SEMA4B: variants seen among roughly 807,000 people sequenced by gnomAD.
SEMA4B encodes the protein semaphorin-4B.
In SEMA4B, 55 loss-of-function variants were observed where a neutral mutation model predicts 88.1. That is an observed-to-expected ratio of 0.62 (90% CI 0.50 to 0.78). The LOEUF (loss-of-function observed/expected upper bound fraction) is 0.78. SEMA4B is among the 30% of genes least tolerant of loss of function. The pLI, the probability that SEMA4B is intolerant of heterozygous loss-of-function variation, is 0.00. For synonymous variants in SEMA4B, 525 were observed against 473.6 expected (o/e 1.11, Z -1.41); for missense variants, 1,062 against 1,111.9 (o/e 0.96, Z 0.64).
chr15:90,201,317 C>G, upstream of SEMA4B: 1 of 1,173,970 alleles, frequency 8.5e-7, no homozygotes, highest in Non-Finnish European at 1.1e-6. Context: ...CTCCTTCAGC[C>G]CCGCCCTCCG....
intron 1 of SEMA4B, among the ~76,000 whole-genome samples, chr15:90,204,204 C>T (rs1960881587): frequency 6.6e-6 from 1 of 152,194 alleles, no homozygotes; most frequent in Non-Finnish European, 1.5e-5. Context: ...CCCTCCCTTG[C>T]ATGCATCTTA....
At chr15:90,187,286 T>C (rs1960193519) in intron 1 of SEMA4B, among the ~76,000 whole-genome samples, 1 of 152,248 alleles carries the variant, frequency 6.6e-6, no homozygotes, top group Non-Finnish European at 1.5e-5. Flanking sequence ...CGTGTGGTGC[T>C]GTTTCCTTTG....
intron 13 of SEMA4B, 27 bp downstream of exon 13, chr15:90,227,669 G>A: frequency 6.2e-7 from 1 of 1,610,648 alleles, no homozygotes; most frequent in African/African-American, 1.3e-5. Flanking sequence ...AAAGGTGGAG[G>A]AGAGAGGTGG....
upstream of SEMA4B, among the ~76,000 whole-genome samples, chr15:90,196,780 C>T (rs200098847): frequency 6.6e-6 from 1 of 152,238 alleles, no homozygotes; most frequent in Non-Finnish European, 1.5e-5. Flanking sequence ...AGCCACTGCA[C>T]CCGGCCTCTT....
At chr15:90,221,579 G>A in intron 6 of SEMA4B, 35 bp from the exon 7 acceptor site, 1 of 1,612,376 alleles carries the variant, frequency 6.2e-7, no homozygotes, top group Non-Finnish European at 8.5e-7. Flanking sequence ...CAGGGTTCCT[G>A]GGCTGACTCT....
chr15:90,204,537 C>T (rs1233872706), intron 1 of SEMA4B, among the ~76,000 whole-genome samples: 1 of 152,138 alleles, frequency 6.6e-6, no homozygotes, highest in Non-Finnish European at 1.5e-5. Flanking sequence ...CCACAGTCAG[C>T]TGGAAATCTC....
intron 1 of SEMA4B, chr15:90,206,463 A>G (rs540148471): frequency 1.2e-5 from 3 of 260,212 alleles, no homozygotes; most frequent in Middle Eastern, 8.6e-4. Context: ...GTAAGATAAG[A>G]TAATTAAAAG....
chr15:90,205,204 G>A lies in SEMA4B; in HGVS notation c.157+3469G>A, dbSNP rs140103115. Among the ~76,000 whole-genome samples the A allele has an allele frequency of 4.0e-3, 608 of 152,384 alleles. 4 individuals are homozygous for A. Among genetic ancestry groups the A allele is most frequent in the African/African-American group, 0.014 (578 of 41,592 alleles). Reference sequence around the variant, plus strand: ...ACTGCAGTCAACAAAACGCCATTGAGCAGAGAGAATGGAGCATTTGGCACA... The same window carrying A: ...ACTGCAGTCAACAAAACGCCATTGAACAGAGAGAATGGAGCATTTGGCACA... On this transcript the variant is annotated intron_variant, in intron 1 of 13. Transcript: ENST00000411539.
upstream of SEMA4B, among the ~76,000 whole-genome samples, chr15:90,198,400 A>G (rs1233575731): frequency 1.3e-5 from 2 of 152,182 alleles, no homozygotes; most frequent in Non-Finnish European, 2.9e-5. Context: ...TTACTTAACA[A>G]ACCAAATAAG....
At position 90,219,891 on chromosome 15, in the gene SEMA4B, C is replaced by G. The variant is rs375789164; in HGVS notation, c.483C>G (p.Ile161Met). ...CCTTCAGCCCCATGTGTACCTACAT[C>G]GTGAGTGACCTGTCCTCAGCCCTGA... ...TAAFSPMCTY[I>M]NMENFTLARD... The change falls in exon 4 of 14, where the codon ATC becomes ATG. Residue 161 changes from isoleucine (I) to methionine (M), a missense_variant and splice_region_variant. Coordinates refer to ENST00000411539, the MANE Select transcript of SEMA4B (RefSeq NM_198925.4). 3 of 1,608,756 alleles carry G rather than the reference C, an allele frequency of 1.9e-6. No individual in the cohort carries two copies. Among genetic ancestry groups the G allele is most frequent in the Non-Finnish European group, 2.5e-6 (3 of 1,176,748 alleles).
chr15:90,229,505 G>C lies in SEMA4B; in HGVS notation c.*862G>C. On this transcript the variant is annotated 3_prime_UTR_variant, in exon 14 of 14. Transcript: ENST00000411539. ...TAACTGCACCCTGGTCCTCTCCCCA[G>C]TCCCCAGTTCACCCTCCATCCCTCA... 2.4e-6 allele frequency: 1 copy of C among 421,638 alleles called. No homozygotes were observed. The highest frequency in any genetic ancestry group is 1.8e-5 in the South Asian group (1 of 56,984). The allele number at this position is 421,638 out of a possible 1,614,324, so 26.1% of individuals were successfully genotyped here.
chr15:90,228,293 T>C lies in SEMA4B; in HGVS notation c.2164T>C (p.Cys722Arg). 1 of 1,591,282 alleles carries C rather than the reference T, an allele frequency of 6.3e-7. No homozygotes were observed. The highest frequency in any genetic ancestry group is 8.6e-7 in the Non-Finnish European group (1 of 1,167,746). Residue 722 changes from cysteine to arginine, a missense_variant, in exon 14 of 14, where the codon TGC (cysteine) becomes CGC (arginine). Cys to Arg is a radical substitution (Grantham distance 180). Transcript: ENST00000411539. ...CTACTGGAAGGAGTTCCTGGTGATG[T>C]GCACGCTCTTTGTGCTGGCCGTGCT... ...RSYWKEFLVM[C>R]TLFVLAVLLP...
chr15:90,206,599 G>T, intron 1 of SEMA4B: 1 of 572,446 alleles, frequency 1.7e-6, no homozygotes, highest in East Asian at 3.0e-5. Context: ...CTGCTGGAGG[G>T]GTAATGGACA....
At chr15:90,194,130 G>A (rs1344031236) in intron 1 of SEMA4B, among the ~76,000 whole-genome samples, 2 of 152,106 alleles carry the variant, frequency 1.3e-5, no homozygotes, top group Non-Finnish European at 2.9e-5. Flanking sequence ...CAGATTACGG[G>A]CAATGAGCCA....
At chr15:90,210,209 AC>A (rs1246399917) in intron 1 of SEMA4B, among the ~76,000 whole-genome samples, 1 of 152,176 alleles carries the variant, frequency 6.6e-6, no homozygotes, top group Non-Finnish European at 1.5e-5. Context: ...CCACACACAA[AC>A]ACAAAATGCC....
chr15:90,204,673 C>T (rs1960907097), intron 1 of SEMA4B, among the ~76,000 whole-genome samples: 1 of 152,174 alleles, frequency 6.6e-6, no homozygotes, highest in South Asian at 2.1e-4. Flanking sequence ...CAATGGCGCC[C>T]AGTGCTTCCC....
At chr15:90,224,854 C>A in intron 9 of SEMA4B, 114 bp from the exon 10 acceptor site, 3 of 848,934 alleles carry the variant, frequency 3.5e-6, no homozygotes, top group Non-Finnish European at 5.9e-6. Context: ...AGGGATGTGC[C>A]CTGGCTCCGG....
intron 1 of SEMA4B, among the ~76,000 whole-genome samples, chr15:90,189,175 G>A (rs60209970): frequency 0.24 from 36,837 of 151,900 alleles, 5,217 homozygotes; most frequent in East Asian, 0.58. Flanking sequence ...AAAAGGGAAG[G>A]AAGGGAGAGG....
At chr15:90,211,392 T>C (rs1961259579) in intron 1 of SEMA4B, among the ~76,000 whole-genome samples, 1 of 152,210 alleles carries the variant, frequency 6.6e-6, no homozygotes, top group Admixed American at 6.5e-5. Flanking sequence ...GTTGCCACTT[T>C]CTTGGTGACC....
Sources: gnomAD v4.1 joint callset for allele counts (sites outside exome capture counted in the v4.1 genomes callset) on GRCh38, gnomAD v4.1.1 for gene constraint, MANE v1.5 for transcripts, NCBI Gene and HGNC (gene_info 2026-07-23, HGNC 2026-07-21) for gene names.